PDK1: variants seen among roughly 807,000 people sequenced by gnomAD.
The protein encoded by PDK1 is pyruvate dehydrogenase kinase 1.
In PDK1, 39 loss-of-function variants were observed where a neutral mutation model predicts 54.2. That is an observed-to-expected ratio of 0.72 (90% CI 0.56 to 0.94). The LOEUF (loss-of-function observed/expected upper bound fraction) is 0.94. PDK1 is among the 40% of genes least tolerant of loss of function. The probability of loss-of-function intolerance (pLI) is 0.00; values close to 1 mark genes in which losing one functional copy is unlikely to be tolerated. For missense variants in PDK1, 552 were observed against 566.0 expected (o/e 0.98, Z 0.25); for synonymous variants, 221 against 207.1 (o/e 1.07, Z -0.58).
the PDK1 span, among the ~76,000 whole-genome samples, chr2:172,696,330 A>C: frequency 6.6e-6 from 1 of 152,180 alleles, no homozygotes; most frequent in Non-Finnish European, 1.5e-5. Context: ...TCACTCAAAA[A>C]AGCAATGAGG....
chr2:172,717,054 T>C, the PDK1 span, among the ~76,000 whole-genome samples: 17 of 152,338 alleles, frequency 1.1e-4, no homozygotes, highest in South Asian at 2.1e-4. Context: ...TGATCTGCAC[T>C]TCCTGTTATT....
At chr2:172,594,192 A>G (rs890021944) in intron 10 of PDK1, among the ~76,000 whole-genome samples, 5 of 151,654 alleles carry the variant, frequency 3.3e-5, no homozygotes, top group Admixed American at 1.3e-4. Flanking sequence ...CGCCTGACTA[A>G]TTTTGTATTT....
chr2:172,592,057 C>G (rs528350375), intron 9 of PDK1, among the ~76,000 whole-genome samples: 1 of 152,154 alleles, frequency 6.6e-6, no homozygotes, highest in African/African-American at 2.4e-5. Flanking sequence ...TGTGTCTGGT[C>G]GGACCTTCAG....
At chr2:172,615,183 G>A in the PDK1 span, among the ~76,000 whole-genome samples, 1 of 152,170 alleles carries the variant, frequency 6.6e-6, no homozygotes, top group African/African-American at 2.4e-5. Flanking sequence ...CTGGCAAAGG[G>A]TCTGAGAGAA....
the PDK1 span, among the ~76,000 whole-genome samples, chr2:172,668,278 A>T: frequency 4.2e-5 from 6 of 141,470 alleles, no homozygotes; most frequent in African/African-American, 1.3e-4. Flanking sequence ...TTCTTTCTTT[A>T]TTTTTTTTTT....
chr2:172,705,508 T>G, the PDK1 span, among the ~76,000 whole-genome samples: 1 of 152,234 alleles, frequency 6.6e-6, no homozygotes, highest in South Asian at 2.1e-4. Context: ...CACTGTATGT[T>G]TCGCTTTACC....
At chr2:172,559,837 C>T (rs1364981092) in intron 2 of PDK1, among the ~76,000 whole-genome samples, 1 of 152,102 alleles carries the variant, frequency 6.6e-6, no homozygotes, top group African/African-American at 2.4e-5. Context: ...GCATGAGCCA[C>T]CACTCCTGGC....
the PDK1 span, among the ~76,000 whole-genome samples, chr2:172,626,695 G>T: frequency 1.3e-5 from 2 of 152,060 alleles, no homozygotes; most frequent in East Asian, 3.9e-4. Flanking sequence ...TCAGTAGGCT[G>T]AGGTGGGAGG....
rs1459277140 is a variant in PDK1, at chr2:172,608,229, G to C, written c.*12260G>C. 2.0e-5 allele frequency: 3 copies of C among 152,312 alleles called. No individual in the cohort carries two copies. Among genetic ancestry groups the C allele is most frequent in the African/African-American group, 7.2e-5 (3 of 41,410 alleles). 9.4% of individuals were successfully genotyped at this position (152,312 alleles called of 1,614,324 possible). On this transcript the variant is annotated 3_prime_UTR_variant, in exon 11 of 11. Coordinates refer to ENST00000282077, the MANE Select transcript of PDK1 (RefSeq NM_002610.5). ...TGTACTAAAGTCTATTTAGGAAATGGAAATATATAGCAAGAGGAGTCAGCT... is the reference window on the plus strand; with the variant it reads ...TGTACTAAAGTCTATTTAGGAAATGCAAATATATAGCAAGAGGAGTCAGCT...
chr2:172,710,911 G>A, the PDK1 span, among the ~76,000 whole-genome samples: 1 of 152,270 alleles, frequency 6.6e-6, no homozygotes, highest in South Asian at 2.1e-4. Flanking sequence ...ATTACATCAC[G>A]TAACTAAATT....
At chr2:172,624,946 C>G in the PDK1 span, among the ~76,000 whole-genome samples, 1 of 151,828 alleles carries the variant, frequency 6.6e-6, no homozygotes, top group Non-Finnish European at 1.5e-5. Context: ...CGAGATCGCA[C>G]CATTGCACTC....
chr2:172,556,611 C>T (rs559498025), intron 1 of PDK1: 73 of 341,508 alleles, frequency 2.1e-4, no homozygotes, highest in African/African-American at 1.5e-3. Flanking sequence ...CTCCCGCCTC[C>T]CGGCGCACGT....
At chr2:172,640,211 A>G in the PDK1 span, among the ~76,000 whole-genome samples, 1 of 152,228 alleles carries the variant, frequency 6.6e-6, no homozygotes, top group South Asian at 2.1e-4. Context: ...ATAGAAGGGT[A>G]CTTACTGGAG....
the PDK1 span, among the ~76,000 whole-genome samples, chr2:172,688,318 G>A: frequency 6.6e-6 from 1 of 152,190 alleles, no homozygotes; most frequent in Non-Finnish European, 1.5e-5. Context: ...CTCCTGCACT[G>A]TGTAGTAAGA....
At chr2:172,664,665 T>G in the PDK1 span, among the ~76,000 whole-genome samples, 1 of 151,768 alleles carries the variant, frequency 6.6e-6, no homozygotes, top group African/African-American at 2.4e-5. Flanking sequence ...AACACAGAAA[T>G]TATTATTATT....
At chr2:172,615,496 G>A in the PDK1 span, among the ~76,000 whole-genome samples, 1 of 152,092 alleles carries the variant, frequency 6.6e-6, no homozygotes, top group Non-Finnish European at 1.5e-5. Flanking sequence ...GGTGGTGCGT[G>A]CCTGTAATTC....
chr2:172,682,100 T>C, the PDK1 span, among the ~76,000 whole-genome samples: 1 of 152,174 alleles, frequency 6.6e-6, no homozygotes, highest in Non-Finnish European at 1.5e-5. Context: ...GTAGGCCTTA[T>C]TGAAAGCTGA....
At chr2:172,667,967 G>C in the PDK1 span, among the ~76,000 whole-genome samples, 2 of 152,254 alleles carry the variant, frequency 1.3e-5, no homozygotes, top group African/African-American at 4.8e-5. Context: ...CAGAGCAAAA[G>C]TCTATGCAGC....
the PDK1 span, among the ~76,000 whole-genome samples, chr2:172,633,388 T>C: frequency 1.9e-4 from 3 of 15,482 alleles, no homozygotes; most frequent in Middle Eastern, 0.062. Flanking sequence ...TTTCTTTTTT[T>C]TTTTTTTTTT....
Sources: allele counts gnomAD v4.1 joint callset (sites outside exome capture counted in the v4.1 genomes callset), GRCh38; gene constraint gnomAD v4.1.1; transcripts MANE v1.5; gene names NCBI Gene and HGNC (gene_info 2026-07-23, HGNC 2026-07-21).